CHCHD3: variants seen among roughly 807,000 people sequenced by gnomAD.
CHCHD3 encodes the protein coiled-coil-helix-coiled-coil-helix domain containing 3.
A neutral mutation model predicts 38.2 loss-of-function variants in CHCHD3; 20 were observed. The ratio of observed to expected loss-of-function variants is 0.52; its 90% confidence interval spans 0.37 to 0.76. CHCHD3 has a LOEUF of 0.76. CHCHD3 is among the 30% of genes least tolerant of loss of function. The pLI, the probability that CHCHD3 is intolerant of heterozygous loss-of-function variation, is 0.00. For missense variants in CHCHD3, 245 were observed against 279.2 expected, an observed-to-expected ratio of 0.88 and a Z score of 0.87; for synonymous variants, 82 against 100.0, an observed-to-expected ratio of 0.82 and a Z score of 1.07.
chr7:132,914,123 C>CGTGTGTGTGTGTGT (rs200561468), intron 4 of CHCHD3, among the ~76,000 whole-genome samples: 53 of 132,288 alleles, frequency 4.0e-4, no homozygotes, highest in East Asian at 2.5e-3. Flanking sequence ...CCATGCCTGG[C>CGTGTGTGTGTGTGT]GTGTGTGTGT....
chr7:132,798,553 A>G (rs1806681402), intron 6 of CHCHD3, among the ~76,000 whole-genome samples: 1 of 152,168 alleles, frequency 6.6e-6, no homozygotes, highest in African/African-American at 2.4e-5. Context: ...ATACATGACT[A>G]ATGACTAATA....
intron 5 of CHCHD3, among the ~76,000 whole-genome samples, chr7:132,859,143 G>C (rs960359330): frequency 1.3e-5 from 2 of 152,138 alleles, no homozygotes; most frequent in African/African-American, 4.8e-5. Flanking sequence ...AAAACAATTA[G>C]AAGGCTTTGT....
intron 5 of CHCHD3, among the ~76,000 whole-genome samples, chr7:132,841,415 CA>C (rs376868631): frequency 7.8e-6 from 1 of 128,222 alleles, no homozygotes; most frequent in African/African-American, 2.8e-5. Flanking sequence ...AAAAAAAAAA[CA>C]AACAACAACA....
chr7:132,950,194 AAAAC>A (rs1811003607), intron 4 of CHCHD3, among the ~76,000 whole-genome samples: 2 of 152,214 alleles, frequency 1.3e-5, no homozygotes, highest in South Asian at 4.1e-4. Context: ...GTCATAGTGA[AAAAC>A]TAACTATTGG....
chr7:132,941,386 T>A (rs1479835261), intron 4 of CHCHD3, among the ~76,000 whole-genome samples: 1 of 152,020 alleles, frequency 6.6e-6, no homozygotes, highest in East Asian at 1.9e-4. Flanking sequence ...GCTCCCTACT[T>A]CTCAACGGAC....
At chr7:132,882,509 A>C (rs907214591) in intron 5 of CHCHD3, among the ~76,000 whole-genome samples, 2 of 148,488 alleles carry the variant, frequency 1.3e-5, no homozygotes, top group Non-Finnish European at 1.5e-5. Context: ...ATTCACAATA[A>C]TTTGATCTTA....
intron 6 of CHCHD3, among the ~76,000 whole-genome samples, chr7:132,832,643 T>C (rs1807678625): frequency 6.6e-6 from 1 of 152,262 alleles, no homozygotes; most frequent in Non-Finnish European, 1.5e-5. Context: ...ATATTGCCTT[T>C]AAAATATTTA....
intron 2 of CHCHD3, among the ~76,000 whole-genome samples, chr7:133,039,668 T>A (rs1272918037): frequency 2.0e-5 from 3 of 152,208 alleles, no homozygotes; most frequent in Non-Finnish European, 4.4e-5. Context: ...ATTATAAATC[T>A]CAAATAACAC....
chr7:133,081,783 A>G (rs937097017), intron 1 of CHCHD3, 74 bp downstream of exon 1: 4 of 1,454,294 alleles, frequency 2.8e-6, no homozygotes, highest in African/African-American at 1.4e-5. Flanking sequence ...ACCCAGGCTG[A>G]GCGGGTCCGG....
intron 6 of CHCHD3, among the ~76,000 whole-genome samples, chr7:132,825,783 G>T (rs1807493269): frequency 6.6e-6 from 1 of 152,142 alleles, no homozygotes; most frequent in African/African-American, 2.4e-5. Flanking sequence ...GGAAACAAAG[G>T]TGTGAGGCAT....
intron 7 of CHCHD3, among the ~76,000 whole-genome samples, chr7:132,786,639 T>G (rs1450902826): frequency 6.6e-6 from 1 of 152,078 alleles, no homozygotes; most frequent in African/African-American, 2.4e-5. Context: ...TGCCTCTAGT[T>G]TATCCATTCC....
At chr7:132,863,118 G>C (rs535119135) in intron 5 of CHCHD3, among the ~76,000 whole-genome samples, 35 of 152,116 alleles carry the variant, frequency 2.3e-4, no homozygotes, top group Non-Finnish European at 4.0e-4. Flanking sequence ...TTGCCCGGAA[G>C]GTTTTCAATG....
chr7:132,838,125 T>C (rs1025278215), intron 6 of CHCHD3, among the ~76,000 whole-genome samples: 1 of 152,198 alleles, frequency 6.6e-6, no homozygotes, highest in African/African-American at 2.4e-5. Flanking sequence ...CTATTTTATA[T>C]ATTATTACAA....
At chr7:132,848,937 A>G (rs937843453) in intron 5 of CHCHD3, among the ~76,000 whole-genome samples, 2 of 152,194 alleles carry the variant, frequency 1.3e-5, no homozygotes, top group Non-Finnish European at 2.9e-5. Flanking sequence ...CAGAAAAATC[A>G]AAGCTAATTT....
At chr7:132,942,972 C>G (rs892900572) in intron 4 of CHCHD3, among the ~76,000 whole-genome samples, 6 of 151,646 alleles carry the variant, frequency 4.0e-5, no homozygotes, top group African/African-American at 1.5e-4. Context: ...TGGTTGCAAA[C>G]AGAGAGAAAG....
chr7:133,047,803 C>G (rs1423013923), intron 2 of CHCHD3, among the ~76,000 whole-genome samples: 1 of 152,068 alleles, frequency 6.6e-6, no homozygotes, highest in Non-Finnish European at 1.5e-5. Flanking sequence ...AATACCTACT[C>G]AGGGCCAGGC....
intron 4 of CHCHD3, among the ~76,000 whole-genome samples, chr7:132,914,732 T>C (rs1330551897): frequency 6.6e-6 from 1 of 152,150 alleles, no homozygotes; most frequent in Non-Finnish European, 1.5e-5. Flanking sequence ...GACAGAGATG[T>C]GTGTGCGCAT....
intron 3 of CHCHD3, among the ~76,000 whole-genome samples, chr7:133,001,838 A>T (rs923823419): frequency 2.0e-5 from 3 of 152,226 alleles, no homozygotes; most frequent in Non-Finnish European, 2.9e-5. Flanking sequence ...TGGATGCGAT[A>T]GATAATCATT....
At chr7:132,984,698 G>A (rs1160359800) in intron 3 of CHCHD3, among the ~76,000 whole-genome samples, 2 of 150,438 alleles carry the variant, frequency 1.3e-5, no homozygotes, top group African/African-American at 2.5e-5. Context: ...TGTGAGGAGC[G>A]TCTCTGCCCG....
Sources: gnomAD v4.1 joint callset for allele counts (sites outside exome capture counted in the v4.1 genomes callset) on GRCh38, gnomAD v4.1.1 for gene constraint, MANE v1.5 for transcripts, NCBI Gene and HGNC (gene_info 2026-07-23, HGNC 2026-07-21) for gene names.